The following CRYBG3 variants were observed in gnomAD, a reference collection of about 807,000 sequenced individuals.
CRYBG3 encodes crystallin beta-gamma domain containing 3.
In CRYBG3, 127 loss-of-function variants were observed where a neutral mutation model predicts 244.2. That is an observed-to-expected ratio of 0.52 (90% confidence interval 0.45 to 0.60). The LOEUF is 0.60. Ranked by LOEUF, CRYBG3 falls within the 20% of genes least tolerant of loss-of-function variation. The pLI is 0.00. For missense variants in CRYBG3, 3,325 were observed against 3,442.5 expected (o/e 0.97, Z 0.85); for synonymous variants, 1,132 against 1,195.8 (o/e 0.95, Z 1.10).
At chr3:97,883,885 C>T (rs778750371) in intron 7 of CRYBG3, among the ~76,000 whole-genome samples, 5 of 152,102 alleles carry the variant, frequency 3.3e-5, no homozygotes, top group African/African-American at 4.8e-5. Context: ...CTATTCTATG[C>T]CAACTTTATC....
At chr3:97,920,268 C>A (rs1245550386) in intron 17 of CRYBG3, among the ~76,000 whole-genome samples, 1 of 152,124 alleles carries the variant, frequency 6.6e-6, no homozygotes, top group South Asian at 2.1e-4. Flanking sequence ...CTTGGTCTCT[C>A]AAGTGTAGAT....
At chr3:97,886,258 T>G (rs1485622664) in intron 7 of CRYBG3, among the ~76,000 whole-genome samples, 2 of 152,116 alleles carry the variant, frequency 1.3e-5, no homozygotes, top group Admixed American at 1.3e-4. Context: ...CTTCCTCCCT[T>G]ATGGTTTTAT....
chr3:97,866,087 T>C (rs1200570259), intron 3 of CRYBG3, among the ~76,000 whole-genome samples: 1 of 152,178 alleles, frequency 6.6e-6, no homozygotes, highest in African/African-American at 2.4e-5. Flanking sequence ...TGAAAAAACA[T>C]TTATTTTCAT....
At chr3:97,930,857 T>C (rs966332284) in intron 17 of CRYBG3, among the ~76,000 whole-genome samples, 1 of 152,068 alleles carries the variant, frequency 6.6e-6, no homozygotes, top group Non-Finnish European at 1.5e-5. Flanking sequence ...AGAAATTTAT[T>C]CACACATTTC....
At chr3:97,841,594 C>G (rs1047865644) in intron 1 of CRYBG3, among the ~76,000 whole-genome samples, 3 of 152,088 alleles carry the variant, frequency 2.0e-5, no homozygotes, top group African/African-American at 7.2e-5. Flanking sequence ...ATCGTGTCCT[C>G]TCTTTCCATC....
rs1159136817 is a variant in CRYBG3, at chr3:97,872,234, C to T, written c.1040C>T (p.Ser347Phe). 5.9e-6 allele frequency: 9 copies of T among 1,535,654 alleles called. No individual in the cohort carries two copies. The South Asian group carries it at 8.3e-5, about 14-fold the overall frequency. The part of the protein sequence containing the change: ...AWGSIERNRS[S>F]PSSVTNSSYD... ...GGGAGTATTGAGAGAAATAGGTCAT[C>T]CCCTTCTTCTGTGACTAACTCCAGC... Residue 347 changes from serine (S) to phenylalanine (F), a missense_variant, in exon 4 of 22, where the codon TCC becomes TTC. Ser to Phe is a radical substitution (Grantham distance 155, BLOSUM62 -2). Around this residue, in one of 4 missense-constraint regions of CRYBG3, gnomAD observed 1,526 missense variants for 1,443.2 expected, o/e 1.06. Transcript: ENST00000389622.
intron 1 of CRYBG3, among the ~76,000 whole-genome samples, chr3:97,833,256 A>G (rs533459885): frequency 1.3e-5 from 2 of 152,340 alleles, no homozygotes; most frequent in South Asian, 4.1e-4. Flanking sequence ...ATAAAGACAC[A>G]TGCACACGTA....
chr3:97,938,510 G>T (rs1419872193), intron 19 of CRYBG3, among the ~76,000 whole-genome samples: 1 of 151,778 alleles, frequency 6.6e-6, no homozygotes, highest in Admixed American at 6.6e-5. Context: ...TAACCTAATT[G>T]GTCTTCTCTC....
intron 13 of CRYBG3, 24 bp from the exon 14 acceptor site, chr3:97,899,113 T>TG (rs758421761): frequency 7.5e-6 from 12 of 1,599,738 alleles, no homozygotes; most frequent in Non-Finnish European, 9.4e-6. Context: ...TTTATTTTTT[T>TG]GTTTTTTCTT....
chr3:97,864,714 T>C, intron 3 of CRYBG3, 67 bp downstream of exon 3: 1 of 1,096,704 alleles, frequency 9.1e-7, no homozygotes, highest in South Asian at 1.6e-5. Flanking sequence ...GAGCTTTAGC[T>C]TTAATCCTAG....
chr3:97,939,712 GAATT>G (rs989119262), intron 19 of CRYBG3, among the ~76,000 whole-genome samples: 13 of 152,034 alleles, frequency 8.6e-5, no homozygotes, highest in African/African-American at 3.1e-4. Flanking sequence ...GAAGCCTCAA[GAATT>G]AATAATTGCA....
chr3:97,867,266 G>A (rs913689156), intron 3 of CRYBG3: 89 of 152,256 alleles, frequency 5.8e-4, no homozygotes, highest in African/African-American at 2.1e-3. Flanking sequence ...TAAATGTAAA[G>A]TCTTTCATTA....
At position 97,879,694 on chromosome 3, in the gene CRYBG3, A is replaced by T; in HGVS notation, c.6844-10A>T. 6.3e-7 allele frequency: 1 copy of T among 1,593,104 alleles called. No homozygotes were observed. Among genetic ancestry groups the T allele is most frequent in the South Asian group, 1.2e-5 (1 of 86,696 alleles). ...TCTTAAAGCTTACTTTTCCACTTTT[A>T]TTATTTCAGAATGTTGACAAACAAA... On this transcript the variant is annotated splice_polypyrimidine_tract_variant and intron_variant, in intron 4 of 21. Coordinates refer to ENST00000389622, the MANE Select transcript of CRYBG3 (RefSeq NM_153605.4).
chr3:97,852,293 A>C (rs922453813), intron 2 of CRYBG3, among the ~76,000 whole-genome samples: 1 of 152,218 alleles, frequency 6.6e-6, no homozygotes, highest in Non-Finnish European at 1.5e-5. Context: ...GGGAAACCTC[A>C]GAGTGATGCC....
At chr3:97,938,997 AGTTTAGC>A (rs1454585806) in intron 19 of CRYBG3, among the ~76,000 whole-genome samples, 7 of 152,116 alleles carry the variant, frequency 4.6e-5, no homozygotes, top group African/African-American at 1.7e-4. Context: ...ATAGGAATTC[AGTTTAGC>A]TTTTACTAAC....
At position 97,874,970 on chromosome 3, in the gene CRYBG3, C is replaced by T. The variant is rs909463479; in HGVS notation, c.3776C>T (p.Thr1259Ile). The T allele has an allele frequency of 1.3e-5, 20 of 1,535,778 alleles. No homozygotes were observed. Among genetic ancestry groups the T allele is most frequent in the Non-Finnish European group, 1.6e-5 (18 of 1,146,842 alleles). The change falls in exon 4 of 22, where the codon ACA (threonine) becomes ATA (isoleucine). Residue 1259 changes from threonine to isoleucine, a missense_variant. Thr to Ile is a moderately conservative substitution (Grantham distance 89). Transcript: ENST00000389622. ...GTGACACTAACAGAAATACAACAGA[C>T]AGAGGGTTTGGAAGAGCAAGGCATG... ...SEVTLTEIQQ[T>I]EGLEEQGMEN... is the part of the protein sequence containing the mutation.
chr3:97,860,752 C>T (rs1194533006), intron 2 of CRYBG3, among the ~76,000 whole-genome samples: 2 of 152,082 alleles, frequency 1.3e-5, no homozygotes, highest in African/African-American at 2.4e-5. Flanking sequence ...CTAACCTGGT[C>T]TGGTTTTGAC....
chr3:97,829,967 A>G (rs1010370617), intron 1 of CRYBG3, among the ~76,000 whole-genome samples: 2 of 152,172 alleles, frequency 1.3e-5, no homozygotes, highest in Admixed American at 1.3e-4. Context: ...ACATGTGTCT[A>G]AGTAATGTTT....
chr3:97,822,816 G>T (rs1005509531), intron 1 of CRYBG3, among the ~76,000 whole-genome samples: 3 of 152,270 alleles, frequency 2.0e-5, no homozygotes, highest in Middle Eastern at 3.2e-3. Context: ...TGTGGGAGGA[G>T]ATCGGGGCAA....
Sources: allele counts gnomAD v4.1 joint callset (sites outside exome capture counted in the v4.1 genomes callset), GRCh38; gene constraint gnomAD v4.1.1; regional missense constraint gnomAD v4.1.1; transcripts MANE v1.5; gene names NCBI Gene and HGNC (gene_info 2026-07-23, HGNC 2026-07-21).